The following NRG3 variants were observed in gnomAD, a reference collection of about 807,000 sequenced individuals.
NRG3 encodes the protein neuregulin 3.
NRG3 carries 31 observed loss-of-function variants against 66.9 expected under a neutral mutation model. The observed-to-expected ratio is 0.46, with a 90% confidence interval of 0.35 to 0.63. The LOEUF is 0.63. Ranked by LOEUF, NRG3 falls within the 20% of genes least tolerant of loss-of-function variation. The pLI is 0.00. For missense variants in NRG3, 910 were observed against 878.9 expected (o/e 1.04, Z -0.45); for synonymous variants, 393 against 359.4 (o/e 1.09, Z -1.06).
intron 1 of NRG3, among the ~76,000 whole-genome samples, chr10:82,310,677 G>A (rs535747580): frequency 9.2e-5 from 14 of 152,038 alleles, no homozygotes; most frequent in Middle Eastern, 3.4e-3. Flanking sequence ...GCGAAATACC[G>A]TAAGAACTCT....
intron 1 of NRG3, among the ~76,000 whole-genome samples, chr10:82,272,487 G>A (rs1373539624): frequency 2.0e-5 from 3 of 152,042 alleles, no homozygotes; most frequent in Non-Finnish European, 2.9e-5. Context: ...AAGTGTACAT[G>A]AACACTGAAT....
At chr10:82,856,756 C>CAAAAAAAAAAAAAAAAAAAA (rs67224862) in intron 3 of NRG3, among the ~76,000 whole-genome samples, 26 of 107,460 alleles carry the variant, frequency 2.4e-4, no homozygotes, top group South Asian at 6.3e-4. Context: ...AAAAAAAAAA[C>CAAAAAAAAAAAAAAAAAAAA]AAAAAAAAAA....
intron 2 of NRG3, among the ~76,000 whole-genome samples, chr10:82,575,652 A>AAAAC (rs947168853): frequency 2.0e-5 from 3 of 151,816 alleles, no homozygotes; most frequent in Non-Finnish European, 2.9e-5. Flanking sequence ...AAACGAACAC[A>AAAAC]AAACAAACAA....
At chr10:82,512,174 A>G (rs1179190452) in intron 2 of NRG3, among the ~76,000 whole-genome samples, 1 of 151,842 alleles carries the variant, frequency 6.6e-6, no homozygotes, top group Non-Finnish European at 1.5e-5. Flanking sequence ...TATAAAATCT[A>G]TGAAACTTTC....
At chr10:82,027,119 C>T (rs2062349214) in intron 1 of NRG3, among the ~76,000 whole-genome samples, 1 of 151,974 alleles carries the variant, frequency 6.6e-6, no homozygotes, top group Non-Finnish European at 1.5e-5. Flanking sequence ...TTCTGGGCAT[C>T]CTTTGGGTTT....
rs79810974 is a variant in NRG3 at position 82,728,762 on chromosome 10, A to G, written c.954-9815A>G. ...ATTGGCTAATTTCTCAATTTTGATC[A>G]TATCATAAATCAGAACAATAAAGAG... is the stretch of plus-strand genomic sequence containing the variant. On this transcript the variant is annotated intron_variant, in intron 2 of 8. Transcript: ENST00000372141. Among the ~76,000 whole-genome samples, 392 of 152,330 alleles carry G rather than the reference A, an allele frequency of 2.6e-3. 15 individuals are homozygous for G. In the East Asian group the frequency reaches 0.07, roughly 27 times the overall value.
Position 82,049,552 on chromosome 10 carries a change from T to C in NRG3, c.823+173389T>C, listed in dbSNP as rs950623060. On this transcript the variant is annotated intron_variant, in intron 1 of 8. Transcript: ENST00000372141. Reference sequence around the variant, plus strand: ...ATTGAAAGCTATTTTCAAAGATAACTGTTCCCCAAGACTTTATGTTGTTTC... The same window carrying C: ...ATTGAAAGCTATTTTCAAAGATAACCGTTCCCCAAGACTTTATGTTGTTTC... 2.0e-5 allele frequency among the ~76,000 whole-genome samples: 3 copies of C among 150,838 alleles called. No homozygotes were observed. In the East Asian group the frequency reaches 5.8e-4, roughly 29 times the overall value.
chr10:82,037,973 G>T (rs928904058), intron 1 of NRG3, among the ~76,000 whole-genome samples: 8 of 123,250 alleles, frequency 6.5e-5, no homozygotes, highest in Non-Finnish European at 1.3e-4. Context: ...GTGTGGGGAG[G>T]GGGGAGAGAG....
intron 1 of NRG3, among the ~76,000 whole-genome samples, chr10:82,112,160 C>T (rs528661817): frequency 6.6e-6 from 1 of 152,234 alleles, no homozygotes; most frequent in Non-Finnish European, 1.5e-5. Context: ...AGGAGAATTG[C>T]TTGAGCCCAA....
chr10:82,823,827 T>C (rs1327838445), intron 3 of NRG3, among the ~76,000 whole-genome samples: 1 of 152,192 alleles, frequency 6.6e-6, no homozygotes, highest in African/African-American at 2.4e-5. Context: ...CCCAGTTCTT[T>C]TTTTTAATTG....
chr10:82,780,480 C>CTTTTTTTTTTTTTTTTTT (rs150086019), intron 3 of NRG3, among the ~76,000 whole-genome samples: 8 of 106,048 alleles, frequency 7.5e-5, no homozygotes, highest in Admixed American at 2.0e-4. Context: ...TTTTTCTTTT[C>CTTTTTTTTTTTTTTTTTT]TTTTTTTTTT....
At chr10:81,965,305 ACTT>A (rs1439608644) in intron 1 of NRG3, among the ~76,000 whole-genome samples, 1 of 152,138 alleles carries the variant, frequency 6.6e-6, no homozygotes, top group Non-Finnish European at 1.5e-5. Context: ...TCTATCTACT[ACTT>A]ATTAGATGTG....
Position 82,137,476 on chromosome 10 carries a change from A to G in NRG3, c.824-221263A>G, listed in dbSNP as rs182083815. Among the ~76,000 whole-genome samples the G allele has an allele frequency of 2.0e-5, 3 of 152,330 alleles. No homozygotes were observed. In the East Asian group the frequency reaches 5.8e-4, roughly 29 times the overall value. On this transcript the variant is annotated intron_variant, in intron 1 of 8. Coordinates refer to ENST00000372141, the MANE Select transcript of NRG3 (RefSeq NM_001010848.4). ...TTTCCTATATTTAAGCCACCCCATC[A>G]TGAAAAAATAAATAGGTTCATGTAG... is the stretch of plus-strand genomic sequence containing the variant.
At chr10:82,902,389 G>A (rs1844315125) in intron 4 of NRG3, among the ~76,000 whole-genome samples, 1 of 151,476 alleles carries the variant, frequency 6.6e-6, no homozygotes, top group Non-Finnish European at 1.5e-5. Flanking sequence ...CTTTTTTTTT[G>A]AAAGGCATAT....
chr10:82,164,791 A>G (rs1205905888), intron 1 of NRG3, among the ~76,000 whole-genome samples: 1 of 152,192 alleles, frequency 6.6e-6, no homozygotes, highest in Non-Finnish European at 1.5e-5. Context: ...AAAGCAAATA[A>G]GAGTTCTGGT....
chr10:82,984,979 A>T (rs879048379), intron 8 of NRG3, 119 bp from the exon 9 acceptor site: 1 of 1,338,946 alleles, frequency 7.5e-7, no homozygotes, highest in South Asian at 1.2e-5. Context: ...TATCCGTCTC[A>T]TGGGGTTGCT....
intron 2 of NRG3, among the ~76,000 whole-genome samples, chr10:82,500,787 T>A (rs600721): frequency 0.65 from 99,408 of 151,926 alleles, 33,770 homozygotes; most frequent in South Asian, 0.79. Flanking sequence ...AAATGATCTT[T>A]CCAGTTGAAA....
At chr10:81,962,148 C>G (rs1366041133) in intron 1 of NRG3, among the ~76,000 whole-genome samples, 1 of 152,206 alleles carries the variant, frequency 6.6e-6, no homozygotes, top group Non-Finnish European at 1.5e-5. Context: ...TTGGGCAGAA[C>G]TGAATCAGAA....
At chr10:82,712,574 G>A (rs751031851) in intron 2 of NRG3, among the ~76,000 whole-genome samples, 2 of 152,310 alleles carry the variant, frequency 1.3e-5, no homozygotes, top group South Asian at 2.1e-4. Flanking sequence ...CTCAGGAGAC[G>A]CTGCTGCTGG....
Sources: allele counts gnomAD v4.1 joint callset (sites outside exome capture counted in the v4.1 genomes callset), GRCh38; gene constraint gnomAD v4.1.1; transcripts MANE v1.5; gene names NCBI Gene and HGNC (gene_info 2026-07-23, HGNC 2026-07-21).